The following ARSK variants were observed in gnomAD, a reference collection of about 807,000 sequenced individuals.
The protein encoded by ARSK is arylsulfatase K.
Under a neutral mutation model 53.2 loss-of-function variants are expected in ARSK, and 37 were observed. The observed-to-expected ratio is 0.70, with a 90% CI of 0.54 to 0.92. The LOEUF (loss-of-function observed/expected upper bound fraction) is 0.92, where lower values mean the gene tolerates loss of function less well. Ranked by LOEUF, ARSK falls within the 40% of genes least tolerant of loss-of-function variation. The pLI, the probability that ARSK is intolerant of heterozygous loss-of-function variation, is 0.00. For synonymous variants in ARSK, 208 were observed against 223.2 expected, an observed-to-expected ratio of 0.93 and a Z score of 0.61; for missense variants, 613 against 643.0, an observed-to-expected ratio of 0.95 and a Z score of 0.51.
At chr5:95,561,489 A>G (rs139830232) in intron 1 of ARSK, among the ~76,000 whole-genome samples, 32 of 152,386 alleles carry the variant, frequency 2.1e-4, no homozygotes, top group African/African-American at 7.5e-4. Context: ...TTCATTATAC[A>G]TAATGGCCAA....
chr5:95,583,152 AT>A lies in ARSK; in HGVS notation c.657del (p.Phe219LeufsTer35). On this transcript the variant is annotated frameshift_variant, in exon 4 of 8. Transcript: ENST00000380009. LOFTEE classifies it high-confidence loss of function. The stretch of plus-strand genomic sequence containing the variant: ...TACCCTTCACCATCTTCTGGAGAAA[AT>A]TTTGGATCTTCAACATTTCACACAT... The part of the protein sequence containing the change: ...HPYPSPSSGE[N>X]FGSSTFHTSL... 1 of 1,598,106 alleles carries A rather than the reference AT, an allele frequency of 6.3e-7. No individual in the cohort carries two copies. Among genetic ancestry groups the A allele is most frequent in the South Asian group, 1.1e-5 (1 of 88,900 alleles).
rs558475009 is a variant in ARSK at position 95,576,228 on chromosome 5, C to A, written c.417-6688C>A. Among the ~76,000 whole-genome samples, 379 of 106,252 alleles carry A rather than the reference C, an allele frequency of 3.6e-3. 1 individual carries two copies. The highest frequency in any genetic ancestry group is 0.015 in the African/African-American group (364 of 24,910). The allele number at this position is 106,252 out of a possible 152,430, so 69.7% of individuals were successfully genotyped here. On this transcript the variant is annotated intron_variant, in intron 3 of 7. Transcript: ENST00000380009. Reference sequence around the variant, plus strand: ...TTTTTTTTTTTTTTTGAGATGGATTCTTGCTCTGTCACTAGGCTGGAGTGC... The same window carrying A: ...TTTTTTTTTTTTTTTGAGATGGATTATTGCTCTGTCACTAGGCTGGAGTGC...
intron 5 of ARSK, among the ~76,000 whole-genome samples, chr5:95,587,002 T>A (rs1031888800): frequency 6.6e-6 from 1 of 152,176 alleles, no homozygotes; most frequent in African/African-American, 2.4e-5. Context: ...CTTGAAACGT[T>A]TTACTGTCCT....
chr5:95,589,728 G>T (rs1407659568), intron 5 of ARSK, among the ~76,000 whole-genome samples: 1 of 152,184 alleles, frequency 6.6e-6, no homozygotes, highest in Non-Finnish European at 1.5e-5. Context: ...GAATAGTGCT[G>T]CAGTGAACAC....
chr5:95,595,254 C>T (rs998255496), intron 6 of ARSK, among the ~76,000 whole-genome samples: 1 of 152,148 alleles, frequency 6.6e-6, no homozygotes, highest in African/African-American at 2.4e-5. Context: ...ATTAGTTCAG[C>T]CACTGTGGGA....
Position 95,562,042 on chromosome 5 carries a change from C to G in ARSK, c.127-3956C>G, listed in dbSNP as rs570088384. On this transcript the variant is annotated intron_variant, in intron 1 of 7. Coordinates refer to ENST00000380009, the MANE Select transcript of ARSK (RefSeq NM_198150.3). ...CCAGCCTGGCCAACATGGTGAAACC[C>G]CATCTCTACTAAGAATACAAAAATT... Among the ~76,000 whole-genome samples the G allele has an allele frequency of 1.6e-3, 241 of 152,086 alleles. 3 individuals carry two copies. Among genetic ancestry groups the G allele is most frequent in the African/African-American group, 5.7e-3 (235 of 41,480 alleles).
rs1748474684 is a variant in ARSK, at chr5:95,555,437, G to A, written c.126+33G>A. On this transcript the variant is annotated intron_variant, in intron 1 of 7. Coordinates refer to ENST00000380009, the MANE Select transcript of ARSK (RefSeq NM_198150.3). This position sits in a 1 kb window ranked among gnomAD's most constrained non-coding sequence, Gnocchi z 4.0. ...CCGCGAGGCAGGGGAGGGGCGCCCCGCTGGGGATCGGCGACCTCACCGCCG... is the reference window on the plus strand; with the variant it reads ...CCGCGAGGCAGGGGAGGGGCGCCCCACTGGGGATCGGCGACCTCACCGCCG... 6.4e-7 allele frequency: 1 copy of A among 1,572,478 alleles called. No homozygotes were observed. The highest frequency in any genetic ancestry group is 8.6e-7 in the Non-Finnish European group (1 of 1,156,742).
At chr5:95,585,191 G>A (rs2112435250) in intron 4 of ARSK, among the ~76,000 whole-genome samples, 1 of 152,184 alleles carries the variant, frequency 6.6e-6, no homozygotes, top group East Asian at 1.9e-4. Context: ...TGGCGGGGAT[G>A]TGGTGAAAAG....
At chr5:95,587,285 A>G (rs1275764737) in intron 5 of ARSK, among the ~76,000 whole-genome samples, 1 of 152,210 alleles carries the variant, frequency 6.6e-6, no homozygotes, top group African/African-American at 2.4e-5. Flanking sequence ...CCTTCATCAC[A>G]TGACTGTCAA....
intron 4 of ARSK, among the ~76,000 whole-genome samples, chr5:95,583,441 A>G (rs538528579): frequency 2.4e-4 from 36 of 152,296 alleles, no homozygotes; most frequent in African/African-American, 8.2e-4. Context: ...CAGAGAAACT[A>G]AAAGGCATTC....
intron 7 of ARSK, among the ~76,000 whole-genome samples, chr5:95,602,378 A>C (rs1404396041): frequency 6.6e-6 from 1 of 152,214 alleles, no homozygotes; most frequent in African/African-American, 2.4e-5. Context: ...AAATGTCAGA[A>C]GTGGGGAATC....
At chr5:95,576,953 A>G (rs1748935029) in intron 3 of ARSK, among the ~76,000 whole-genome samples, 1 of 152,248 alleles carries the variant, frequency 6.6e-6, no homozygotes, top group Non-Finnish European at 1.5e-5. Context: ...AGACTCCATC[A>G]TAAGTTAAGT....
intron 1 of ARSK, chr5:95,556,246 A>T: frequency 1.4e-6 from 1 of 702,172 alleles, no homozygotes; most frequent in South Asian, 1.5e-5. Flanking sequence ...GGATGTGCCC[A>T]TGGGATTTTT....
intron 1 of ARSK, among the ~76,000 whole-genome samples, chr5:95,562,943 T>C (rs990451480): frequency 6.6e-6 from 1 of 152,260 alleles, no homozygotes; most frequent in African/African-American, 2.4e-5. Context: ...TATAACTGGC[T>C]ATCCATTGTA....
At chr5:95,584,749 G>A (rs900765923) in intron 4 of ARSK, among the ~76,000 whole-genome samples, 4 of 152,048 alleles carry the variant, frequency 2.6e-5, no homozygotes, top group Admixed American at 6.6e-5. Flanking sequence ...TAGGGCTCAC[G>A]CCTGTAATCC....
chr5:95,561,874 G>A (rs1748641574), intron 1 of ARSK, among the ~76,000 whole-genome samples: 1 of 152,202 alleles, frequency 6.6e-6, no homozygotes, highest in Admixed American at 6.5e-5. Flanking sequence ...TTAAATGGAT[G>A]AGTTGTTTAG....
chr5:95,569,382 A>G (rs1005276542), intron 3 of ARSK, among the ~76,000 whole-genome samples: 3 of 152,236 alleles, frequency 2.0e-5, no homozygotes, highest in Non-Finnish European at 4.4e-5. Context: ...CCACCTAGAA[A>G]GAACTTCAGA....
chr5:95,561,926 GAAAAC>G (rs1328320892), intron 1 of ARSK, among the ~76,000 whole-genome samples: 2 of 152,112 alleles, frequency 1.3e-5, no homozygotes, highest in Non-Finnish European at 2.9e-5. Flanking sequence ...TAAAAGAACA[GAAAAC>G]AGGCTAGGCA....
At chr5:95,578,606 G>T (rs929497737) in intron 3 of ARSK, among the ~76,000 whole-genome samples, 16 of 152,036 alleles carry the variant, frequency 1.1e-4, no homozygotes, top group Non-Finnish European at 4.4e-5. Flanking sequence ...CACATTAGCT[G>T]CTATAATCCC....
Sources: allele counts gnomAD v4.1 joint callset (sites outside exome capture counted in the v4.1 genomes callset), GRCh38; gene constraint gnomAD v4.1.1; non-coding constraint Gnocchi (gnomAD v3.1); transcripts MANE v1.5; gene names NCBI Gene and HGNC (gene_info 2026-07-23, HGNC 2026-07-21).